CDO1: variants seen among roughly 807,000 people sequenced by gnomAD.
The protein encoded by CDO1 is cysteine dioxygenase type 1, also known as cysteine dioxygenase, type I.
CDO1 carries 19 observed loss-of-function variants against 24.5 expected under a neutral mutation model. The observed-to-expected ratio is 0.77, with a 90% CI of 0.54 to 1.14. The LOEUF is 1.14. Among genes scored for constraint, CDO1 ranks in the 50% most tolerant of loss-of-function variants. CDO1 has a pLI of 0.00. For synonymous variants in CDO1, 91 were observed against 87.0 expected, an observed-to-expected ratio of 1.05 and a Z score of -0.26; for missense variants, 244 against 244.8, an observed-to-expected ratio of 1.00 and a Z score of 0.02.
At chr5:115,809,239 T>C (rs1424405403) in intron 3 of CDO1, among the ~76,000 whole-genome samples, 6 of 152,160 alleles carry the variant, frequency 3.9e-5, no homozygotes, top group Non-Finnish European at 8.8e-5. Context: ...GGCATTATTA[T>C]TATATTTTGA....
rs931165565 is a variant in CDO1 at position 115,805,320 on chromosome 5, T to C, written c.*113A>G. 2 of 869,630 alleles carry C rather than the reference T, an allele frequency of 2.3e-6. No homozygotes were observed. Among genetic ancestry groups the C allele is most frequent in the Non-Finnish European group, 3.7e-6 (2 of 541,416 alleles). 53.9% of individuals were successfully genotyped at this position (869,630 alleles called of 1,614,324 possible). A position where few individuals can be genotyped will look rare whatever the true frequency, so the allele number is the denominator to read the frequency against. ...ATTAGCATCTGCCTTACAGTAGATC[T>C]AAGTATTGGCTTATTTAAGTATATT... On this transcript the variant is annotated 3_prime_UTR_variant, in exon 5 of 5. Coordinates refer to ENST00000250535, the MANE Select transcript of CDO1 (RefSeq NM_001801.3).
intron 3 of CDO1, chr5:115,809,716 G>A (rs371547986): frequency 6.6e-6 from 1 of 152,202 alleles, no homozygotes; most frequent in Admixed American, 6.5e-5. Flanking sequence ...ATCAGAGGTT[G>A]AAAATTTGTG....
chr5:115,806,499 T>C lies in CDO1; in HGVS notation c.423A>G (p.Arg141=). The C allele has an allele frequency of 4.3e-6, 7 of 1,609,688 alleles. No homozygotes were observed. Among genetic ancestry groups the C allele is most frequent in the Non-Finnish European group, 5.9e-6 (7 of 1,178,586 alleles). The change falls in exon 4 of 5, where the codon CGA becomes CGG. Residue 141 remains arginine (R), a synonymous_variant. Coordinates refer to ENST00000250535, the MANE Select transcript of CDO1 (RefSeq NM_001801.3). The part of the protein sequence containing the change: ...AYINDSIGLH[R]VENISHTEPA... ...GTTCCGTATGGCTGATGTTCTCTAC[T>C]CGATGTAAGCCAATGGAATCTAAAC... is the stretch of plus-strand genomic sequence containing the variant.
chr5:115,815,381 C>T (rs1039703766), intron 1 of CDO1, among the ~76,000 whole-genome samples: 4 of 152,054 alleles, frequency 2.6e-5, no homozygotes, highest in African/African-American at 7.2e-5. Context: ...TACCAGGGCA[C>T]CTCACTCAAG....
At chr5:115,811,956 G>C (rs937114353) in intron 2 of CDO1, among the ~76,000 whole-genome samples, 6 of 152,102 alleles carry the variant, frequency 3.9e-5, no homozygotes, top group Non-Finnish European at 2.9e-5. Context: ...AGGAAACAAA[G>C]GATTTATTTA....
At chr5:115,806,800 G>C (rs1180412674) in intron 3 of CDO1, among the ~76,000 whole-genome samples, 1 of 152,158 alleles carries the variant, frequency 6.6e-6, no homozygotes, top group Non-Finnish European at 1.5e-5. Flanking sequence ...TGAAAGCTTA[G>C]AAAGTAAGAT....
intron 3 of CDO1, among the ~76,000 whole-genome samples, chr5:115,810,953 T>G (rs1229066891): frequency 6.6e-6 from 1 of 152,236 alleles, no homozygotes; most frequent in East Asian, 1.9e-4. Context: ...TGGATACTGA[T>G]CTGCATGCAT....
At position 115,805,292 on chromosome 5, in the gene CDO1, A is replaced by G. The variant is rs1446477856; in HGVS notation, c.*141T>C. 1.1e-5 allele frequency: 7 copies of G among 665,212 alleles called. No homozygotes were observed. 41.2% of individuals were successfully genotyped at this position (665,212 alleles called of 1,614,324 possible). A position where few individuals can be genotyped will look rare whatever the true frequency, so the allele number is the denominator to read the frequency against. On this transcript the variant is annotated 3_prime_UTR_variant, in exon 5 of 5. Coordinates refer to ENST00000250535, the MANE Select transcript of CDO1 (RefSeq NM_001801.3). ...GCACTATTTGCTTACTTAATGCCTT[A>G]TAATTAGCATCTGCCTTACAGTAGA...
intron 3 of CDO1, among the ~76,000 whole-genome samples, chr5:115,810,221 G>T (rs1230109828): frequency 1.3e-5 from 2 of 152,116 alleles, no homozygotes; most frequent in African/African-American, 2.4e-5. Flanking sequence ...AGAGCTTCCT[G>T]CCACATAGGA....
chr5:115,816,602 G>T lies in CDO1; in HGVS notation c.-205C>A. ...GACCCACCCCCAGGCCCCTGGCAGC[G>T]CAGTGGATCCGGGATCGCTGGAGAC... On this transcript the variant is annotated 5_prime_UTR_variant, in exon 1 of 5. Transcript: ENST00000250535. 1.7e-6 allele frequency: 1 copy of T among 589,140 alleles called. No homozygotes were observed. The highest frequency in any genetic ancestry group is 3.0e-6 in the Non-Finnish European group (1 of 331,830). The allele number at this position is 589,140 out of a possible 1,614,324, so 36.5% of individuals were successfully genotyped here.
intron 4 of CDO1, among the ~76,000 whole-genome samples, chr5:115,805,893 T>C (rs1430889100): frequency 6.6e-6 from 1 of 152,224 alleles, no homozygotes; most frequent in East Asian, 1.9e-4. Context: ...GTTAGTATAG[T>C]CTATTCTTAT....
intron 2 of CDO1, among the ~76,000 whole-genome samples, chr5:115,812,227 C>G (rs1265094838): frequency 6.6e-6 from 1 of 152,126 alleles, no homozygotes; most frequent in African/African-American, 2.4e-5. Context: ...ACTCTACAGA[C>G]CTAACTTTCC....
rs753145901 is a variant in CDO1, at chr5:115,813,278, T to C, written c.171-20A>G. On this transcript the variant is annotated intron_variant, in intron 1 of 4. Transcript: ENST00000250535. Reference sequence around the variant, plus strand: ...GTATACCTAAAAAAAAACAATATATTCAGAAGTTTTAAGTTCGTTGCTGAA... The same window carrying C: ...GTATACCTAAAAAAAAACAATATATCCAGAAGTTTTAAGTTCGTTGCTGAA... The C allele has an allele frequency of 1.5e-6, 2 of 1,376,056 alleles. No individual in the cohort carries two copies. The highest frequency in any genetic ancestry group is 1.4e-5 in the African/African-American group (1 of 70,104). 85.2% of individuals were successfully genotyped at this position (1,376,056 alleles called of 1,614,324 possible).
chr5:115,811,913 C>T (rs1760205287), intron 2 of CDO1, among the ~76,000 whole-genome samples: 1 of 152,076 alleles, frequency 6.6e-6, no homozygotes, highest in African/African-American at 2.4e-5. Flanking sequence ...TGATTACCTT[C>T]CAACATTGGT....
At chr5:115,811,924 G>A (rs1760205897) in intron 2 of CDO1, among the ~76,000 whole-genome samples, 2 of 152,112 alleles carry the variant, frequency 1.3e-5, no homozygotes, top group African/African-American at 4.8e-5. Flanking sequence ...CAACATTGGT[G>A]GGAAAAAGTT....
rs1360543980 is a variant in CDO1, at chr5:115,811,219, A to T, written c.345T>A (p.Asn115Lys). 6.2e-7 allele frequency: 1 copy of T among 1,612,086 alleles called. No homozygotes were observed. Among genetic ancestry groups the T allele is most frequent in the African/African-American group, 1.3e-5 (1 of 75,010 alleles). ...CTCTTTCAGACTTCTTGACCATCTC[A>T]TTGGATTTTTTGTCAGGCCAGGCAA... The part of the protein sequence containing the change: ...TLFAWPDKKS[N>K]EMVKKSERVL... The change falls in exon 3 of 5, where the codon AAT becomes AAA. Residue 115 changes from asparagine to lysine, a missense_variant. By Grantham distance (94) the Asn-to-Lys change is moderately conservative (BLOSUM62 0). Coordinates refer to ENST00000250535, the MANE Select transcript of CDO1 (RefSeq NM_001801.3).
At chr5:115,815,259 G>A (rs969133756) in intron 1 of CDO1, among the ~76,000 whole-genome samples, 1 of 152,114 alleles carries the variant, frequency 6.6e-6, no homozygotes, top group African/African-American at 2.4e-5. Flanking sequence ...TAACTGCTCA[G>A]AAAAAGTAGA....
chr5:115,808,275 G>A (rs560890219), intron 3 of CDO1, among the ~76,000 whole-genome samples: 5 of 152,200 alleles, frequency 3.3e-5, no homozygotes, highest in South Asian at 4.1e-4. Flanking sequence ...CACCACACCC[G>A]GCCAGCCCTA....
intron 2 of CDO1, among the ~76,000 whole-genome samples, chr5:115,812,518 G>T (rs1199489332): frequency 1.3e-5 from 2 of 152,108 alleles, no homozygotes; most frequent in Admixed American, 1.3e-4. Context: ...TTGGTCTTTG[G>T]TCCCACGATT....
Sources: allele counts gnomAD v4.1 joint callset (sites outside exome capture counted in the v4.1 genomes callset), GRCh38; gene constraint gnomAD v4.1.1; transcripts MANE v1.5; gene names NCBI Gene and HGNC (gene_info 2026-07-23, HGNC 2026-07-21).